CREB5: variants seen among roughly 807,000 people sequenced by gnomAD.
The protein encoded by CREB5 is cAMP responsive element binding protein 5.
Under a neutral mutation model 57.1 loss-of-function variants are expected in CREB5, and 19 were observed. The ratio of observed to expected loss-of-function variants is 0.33; its 90% CI spans 0.23 to 0.49. The LOEUF is 0.49. Among genes scored for constraint, CREB5 ranks in the 20% least tolerant of loss-of-function variants. CREB5 has a pLI of 0.99. For missense variants in CREB5, 579 were observed against 671.6 expected (o/e 0.86, Z 1.52); for synonymous variants, 238 against 238.3 (o/e 1.00, Z 0.01).
At chr7:28,422,024 A>C (rs1188641138) in intron 1 of CREB5, among the ~76,000 whole-genome samples, 1 of 152,020 alleles carries the variant, frequency 6.6e-6, no homozygotes, top group African/African-American at 2.4e-5. Flanking sequence ...CTTCACAGTA[A>C]CACTGACCAA....
chr7:28,471,908 C>T (rs1790829999), intron 1 of CREB5, among the ~76,000 whole-genome samples: 2 of 152,188 alleles, frequency 1.3e-5, no homozygotes, highest in Admixed American at 6.5e-5. Context: ...TAATGTTTGG[C>T]ATTTCTTACA....
chr7:28,614,764 TC>T (rs1466973361), intron 5 of CREB5, among the ~76,000 whole-genome samples: 24 of 152,140 alleles, frequency 1.6e-4, no homozygotes, highest in Admixed American at 1.4e-3. Flanking sequence ...TAGGCTAATG[TC>T]CCCATCCCAT....
At chr7:28,787,930 T>G (rs2237360) in intron 7 of CREB5, among the ~76,000 whole-genome samples, 81,804 of 152,024 alleles carry the variant, frequency 0.54, 24,049 homozygotes, top group African/African-American at 0.79. Context: ...CTTCATTAAG[T>G]ACAGAGAGGA....
intron 2 of CREB5, among the ~76,000 whole-genome samples, chr7:28,489,769 A>C (rs1791720561): frequency 6.6e-6 from 1 of 152,220 alleles, no homozygotes; most frequent in South Asian, 2.1e-4. Context: ...GCTTTGTGTC[A>C]ATGTTTATTT....
intron 4 of CREB5, among the ~76,000 whole-genome samples, chr7:28,539,029 T>C (rs1311918334): frequency 6.6e-6 from 1 of 152,238 alleles, no homozygotes; most frequent in South Asian, 2.1e-4. Flanking sequence ...CCTGCTATGG[T>C]ATTTTACTTT....
chr7:28,671,329 C>T (rs976410739), intron 5 of CREB5, among the ~76,000 whole-genome samples: 1 of 151,506 alleles, frequency 6.6e-6, no homozygotes, highest in Non-Finnish European at 1.5e-5. Flanking sequence ...CAAGTGAGTT[C>T]AGACATTTCC....
At chr7:28,698,370 A>AC (rs1801682283) in intron 5 of CREB5, among the ~76,000 whole-genome samples, 1 of 132,752 alleles carries the variant, frequency 7.5e-6, no homozygotes, top group Admixed American at 7.6e-5. Flanking sequence ...AAAAAAAAAA[A>AC]ACACACTCAC....
rs1184228384 is a variant in CREB5 at position 28,820,632 on chromosome 7, G to A, written c.*1353G>A. 2 of 152,244 alleles carry A rather than the reference G, an allele frequency of 1.3e-5. No individual in the cohort carries two copies. The highest frequency in any genetic ancestry group is 1.3e-4 in the Admixed American group (2 of 15,238). 9.4% of individuals were successfully genotyped at this position (152,244 alleles called of 1,614,324 possible). A position where few individuals can be genotyped will look rare whatever the true frequency, so the allele number is the denominator to read the frequency against. On this transcript the variant is annotated 3_prime_UTR_variant, in exon 11 of 11. Coordinates refer to ENST00000357727, the MANE Select transcript of CREB5 (RefSeq NM_182898.4). ...CTTTTTTTTTCTTTTTTGAGACAGA[G>A]TCTCACCTATTGCCCAGACTGAAGT...
chr7:28,433,709 C>T (rs1039946598), intron 1 of CREB5, among the ~76,000 whole-genome samples: 1 of 151,948 alleles, frequency 6.6e-6, no homozygotes, highest in Non-Finnish European at 1.5e-5. Context: ...CAAGTATAGC[C>T]ATATATTTTC....
intron 1 of CREB5, among the ~76,000 whole-genome samples, chr7:28,430,587 T>C (rs1788674188): frequency 6.6e-6 from 1 of 152,228 alleles, no homozygotes; most frequent in African/African-American, 2.4e-5. Flanking sequence ...GCTAATTTTT[T>C]GTAGTTCTGA....
chr7:28,365,136 AG>A (rs1438204308), intron 1 of CREB5, among the ~76,000 whole-genome samples: 3 of 152,192 alleles, frequency 2.0e-5, no homozygotes, highest in South Asian at 2.1e-4. Flanking sequence ...CTAGAATAAC[AG>A]TCTCAAACAT....
intron 7 of CREB5, among the ~76,000 whole-genome samples, chr7:28,732,427 A>C (rs1803698266): frequency 6.6e-6 from 1 of 152,184 alleles, no homozygotes; most frequent in Middle Eastern, 3.4e-3. Context: ...TTGGGTCAGA[A>C]CACCCCCTCT....
At chr7:28,735,237 TG>T (rs1457042608) in intron 7 of CREB5, among the ~76,000 whole-genome samples, 1 of 152,224 alleles carries the variant, frequency 6.6e-6, no homozygotes, top group Non-Finnish European at 1.5e-5. Flanking sequence ...ATACAACTTA[TG>T]TGATACAAAA....
At chr7:28,433,473 A>G (rs180868013) in intron 1 of CREB5, among the ~76,000 whole-genome samples, 3 of 152,238 alleles carry the variant, frequency 2.0e-5, no homozygotes, top group African/African-American at 7.2e-5. Context: ...TTTCTCTCAG[A>G]GTATTAATAT....
At chr7:28,609,787 C>T (rs761912412) in intron 5 of CREB5, among the ~76,000 whole-genome samples, 1 of 152,220 alleles carries the variant, frequency 6.6e-6, no homozygotes. Flanking sequence ...TGAGCACACT[C>T]GCCTGTGGTT....
At chr7:28,477,453 G>A (rs552006304) in intron 1 of CREB5, among the ~76,000 whole-genome samples, 68 of 152,288 alleles carry the variant, frequency 4.5e-4, no homozygotes, top group Non-Finnish European at 1.9e-4. Flanking sequence ...TTCATGCGTA[G>A]GAAGGGCTCC....
At chr7:28,340,491 G>A (rs1785916437) in intron 1 of CREB5, among the ~76,000 whole-genome samples, 1 of 151,302 alleles carries the variant, frequency 6.6e-6, no homozygotes, top group African/African-American at 2.4e-5. Context: ...TCCTACCATG[G>A]TTAGGCTGGT....
intron 7 of CREB5, among the ~76,000 whole-genome samples, chr7:28,747,085 CT>C (rs3216232): frequency 0.067 from 9,728 of 146,014 alleles, 683 homozygotes; most frequent in African/African-American, 0.17. Flanking sequence ...AGAAACAAGA[CT>C]TTTTTTTTTT....
chr7:28,807,789 G>GAA (rs539185007), intron 8 of CREB5, among the ~76,000 whole-genome samples: 1 of 143,990 alleles, frequency 6.9e-6, no homozygotes, highest in Non-Finnish European at 1.5e-5. Context: ...AATGGGAGAG[G>GAA]AAAAAAAAAA....
Sources: allele counts gnomAD v4.1 joint callset (sites outside exome capture counted in the v4.1 genomes callset), GRCh38; gene constraint gnomAD v4.1.1; transcripts MANE v1.5; gene names NCBI Gene and HGNC (gene_info 2026-07-23, HGNC 2026-07-21).